PHTF2: variants seen among roughly 807,000 people sequenced by gnomAD.
The protein encoded by PHTF2 is protein PHTF2.
PHTF2 carries 60 observed loss-of-function variants against 101.2 expected under a neutral mutation model. The ratio of observed to expected loss-of-function variants is 0.59; its 90% CI spans 0.48 to 0.73. PHTF2 has a LOEUF of 0.73. Among genes scored for constraint, PHTF2 ranks in the 30% least tolerant of loss-of-function variants. The pLI is 0.00. For synonymous variants in PHTF2, 311 were observed against 307.3 expected, an observed-to-expected ratio of 1.01 and a Z score of -0.13; for missense variants, 747 against 908.7, an observed-to-expected ratio of 0.82 and a Z score of 2.29.
At chr7:77,914,065 CAAA>C (rs777175186) in intron 9 of PHTF2, among the ~76,000 whole-genome samples, 9 of 68,704 alleles carry the variant, frequency 1.3e-4, no homozygotes, top group South Asian at 8.5e-4. Flanking sequence ...GACTCTGTCT[CAAA>C]AAAAAAAAAA....
chr7:77,815,471 C>CA (rs1322296457), intron 1 of PHTF2, among the ~76,000 whole-genome samples: 1 of 152,114 alleles, frequency 6.6e-6, no homozygotes, highest in African/African-American at 2.4e-5. Flanking sequence ...AAACTGGTTT[C>CA]AATTTGTAGT....
At chr7:77,917,168 A>G (rs1219636196) in intron 9 of PHTF2, among the ~76,000 whole-genome samples, 1 of 152,070 alleles carries the variant, frequency 6.6e-6, no homozygotes, top group East Asian at 1.9e-4. Context: ...TGATGATCAG[A>G]TCAACCTAAT....
chr7:77,876,533 T>C (rs1167920460), intron 3 of PHTF2, among the ~76,000 whole-genome samples: 1 of 152,166 alleles, frequency 6.6e-6, no homozygotes, highest in Non-Finnish European at 1.5e-5. Flanking sequence ...GAGCAACACT[T>C]TTATTAGTGG....
At chr7:77,832,382 C>T (rs1250501433) in intron 1 of PHTF2, among the ~76,000 whole-genome samples, 1 of 152,168 alleles carries the variant, frequency 6.6e-6, no homozygotes, top group Non-Finnish European at 1.5e-5. Context: ...ACAGAAGACC[C>T]CCGAACTGGG....
chr7:77,937,133 C>T (rs951396410), intron 12 of PHTF2, among the ~76,000 whole-genome samples: 4 of 150,878 alleles, frequency 2.7e-5, no homozygotes, highest in Non-Finnish European at 5.9e-5. Context: ...ATTAAAATAT[C>T]AGAAAAGTAA....
intron 4 of PHTF2, 100 bp from the exon 4 acceptor site, chr7:77,893,882 T>C: frequency 1.1e-6 from 1 of 884,740 alleles, no homozygotes; most frequent in South Asian, 1.5e-5. Context: ...ATTGAATTTC[T>C]AATGACTATT....
intron 11 of PHTF2, among the ~76,000 whole-genome samples, chr7:77,927,083 A>C (rs1414419735): frequency 1.4e-5 from 2 of 143,674 alleles, no homozygotes; most frequent in Non-Finnish European, 3.0e-5. Context: ...GCTTGAACCC[A>C]GGAGGTGGAG....
At chr7:77,922,172 A>G (rs1803541323) in intron 10 of PHTF2, among the ~76,000 whole-genome samples, 1 of 151,498 alleles carries the variant, frequency 6.6e-6, no homozygotes. Context: ...ACAGGTGTGC[A>G]CTGCTATGCC....
At chr7:77,927,175 A>ATATATATATAT (rs1474086388) in intron 11 of PHTF2, among the ~76,000 whole-genome samples, 1 of 91,902 alleles carries the variant, frequency 1.1e-5, no homozygotes, top group South Asian at 3.4e-4. Flanking sequence ...AAAAAAAAAA[A>ATATATATATAT]AAATATATAT....
intron 1 of PHTF2, among the ~76,000 whole-genome samples, chr7:77,821,947 G>T (rs1794327158): frequency 6.6e-6 from 1 of 152,200 alleles, no homozygotes; most frequent in Non-Finnish European, 1.5e-5. Context: ...CTTAGACCTT[G>T]ATTGCAGGTG....
chr7:77,900,687 A>T, intron 5 of PHTF2, 24 bp from the exon 5 acceptor site: 1 of 1,213,526 alleles, frequency 8.2e-7, no homozygotes, highest in Non-Finnish European at 1.2e-6. Flanking sequence ...ATACAATTCC[A>T]ATGCTTCTTT....
intron 3 of PHTF2, among the ~76,000 whole-genome samples, chr7:77,870,544 G>A (rs1798432511): frequency 6.6e-6 from 1 of 152,098 alleles, no homozygotes; most frequent in South Asian, 2.1e-4. Flanking sequence ...TAGCCACACT[G>A]GCAGCTGATT....
chr7:77,853,503 C>T (rs758043272), intron 2 of PHTF2, among the ~76,000 whole-genome samples: 2 of 151,918 alleles, frequency 1.3e-5, no homozygotes, highest in East Asian at 1.9e-4. Context: ...AAGCAATTCT[C>T]GTGCCTCAGC....
chr7:77,832,749 C>T (rs1015777705), intron 1 of PHTF2, among the ~76,000 whole-genome samples: 1 of 151,890 alleles, frequency 6.6e-6, no homozygotes, highest in Non-Finnish European at 1.5e-5. Flanking sequence ...TGCAGGAAAA[C>T]AAGCTCAGGG....
chr7:77,926,749 C>T (rs1804039257), intron 11 of PHTF2, among the ~76,000 whole-genome samples: 1 of 149,380 alleles, frequency 6.7e-6, no homozygotes, highest in South Asian at 2.1e-4. Flanking sequence ...TGGGCGGATC[C>T]CTTGAGCTCA....
intron 1 of PHTF2, among the ~76,000 whole-genome samples, chr7:77,837,281 A>G (rs1304900676): frequency 6.6e-6 from 1 of 152,210 alleles, no homozygotes; most frequent in African/African-American, 2.4e-5. Flanking sequence ...TCATGACAAT[A>G]CAGTCTATGA....
intron 12 of PHTF2, among the ~76,000 whole-genome samples, chr7:77,930,667 C>A (rs1804483965): frequency 6.6e-6 from 1 of 152,298 alleles, no homozygotes; most frequent in Admixed American, 6.5e-5. Flanking sequence ...TTATTTCTCA[C>A]AGTTCTGAGG....
Position 77,902,628 on chromosome 7 carries a change from A to G in PHTF2, c.445+708A>G, listed in dbSNP as rs1255708792. On this transcript the variant is annotated intron_variant, in intron 7 of 19. Coordinates refer to ENST00000416283, the Ensembl canonical transcript of PHTF2. Reference sequence around the variant, plus strand: ...GTATAACATTGTAGAGCATTTAGAAACTAAAGAAGAAACTATTCATATTCC... The same window carrying G: ...GTATAACATTGTAGAGCATTTAGAAGCTAAAGAAGAAACTATTCATATTCC... Among the ~76,000 whole-genome samples the G allele has an allele frequency of 2.6e-5, 4 of 152,264 alleles. No homozygotes were observed. The South Asian group carries it at 6.2e-4, about 24-fold the overall frequency.
At chr7:77,866,981 G>C (rs894847198) in intron 3 of PHTF2, among the ~76,000 whole-genome samples, 1 of 152,162 alleles carries the variant, frequency 6.6e-6, no homozygotes, top group South Asian at 2.1e-4. Context: ...GGAAAAGGAA[G>C]CATTAGGTAA....
Sources: gnomAD v4.1 joint callset for allele counts (sites outside exome capture counted in the v4.1 genomes callset) on GRCh38, gnomAD v4.1.1 for gene constraint, MANE v1.5 for transcripts, NCBI Gene and HGNC (gene_info 2026-07-23, HGNC 2026-07-21) for gene names.